The following DENND2A variants were observed in gnomAD, a reference collection of about 807,000 sequenced individuals.
DENND2A encodes the protein DENN domain containing 2A.
DENND2A carries 53 observed loss-of-function variants against 105.3 expected under a neutral mutation model. The observed-to-expected ratio is 0.50, with a 90% confidence interval of 0.40 to 0.63. The LOEUF is 0.63. Among genes scored for constraint, DENND2A ranks in the 30% least tolerant of loss-of-function variants. The pLI is 0.00. For missense variants in DENND2A, 1,138 were observed against 1,279.6 expected, an observed-to-expected ratio of 0.89 and a Z score of 1.69; for synonymous variants, 522 against 508.4, an observed-to-expected ratio of 1.03 and a Z score of -0.36.
chr7:140,601,650 C>A lies in DENND2A; in HGVS notation c.748G>T (p.Val250Leu). 1.9e-6 allele frequency: 3 copies of A among 1,612,964 alleles called. No homozygotes were observed. The highest frequency in any genetic ancestry group is 2.5e-6 in the Non-Finnish European group (3 of 1,179,210). The change falls in exon 3 of 20, where the codon GTG becomes TTG. Residue 250 changes from valine (V) to leucine (L), a missense_variant. Physicochemically the swap from Val to Leu is conservative, Grantham distance 32. This residue lies in a region of DENND2A where 511 missense variants were observed against 499.9 expected (regional missense o/e 1.02). Coordinates refer to ENST00000496613, the MANE Select transcript of DENND2A (RefSeq NM_015689.5). ...RRPWDRSLEN[V>L]YRGSEGSPTK... is the part of the protein sequence containing the mutation. ...GGGGAACCCTCCGAGCCCCTATACA[C>A]GTTCTCAAGGCTCCGGTCCCAGGGC...
chr7:140,614,923 T>A (rs1196637732), intron 1 of DENND2A, among the ~76,000 whole-genome samples: 4 of 152,152 alleles, frequency 2.6e-5, no homozygotes, highest in Non-Finnish European at 5.9e-5. Context: ...AGTGGTGCAG[T>A]CACAGGTCCC....
At position 140,601,396 on chromosome 7, in the gene DENND2A, C is replaced by CACCT; in HGVS notation, c.995+3_995+6dup. ...GCGACACTCTGCCTGGCCACACCGG[C>CACCT]ACCTACCTGTGGTCTGCACTGGATT... On this transcript the variant is annotated splice_region_variant and intron_variant, in intron 3 of 19. Coordinates refer to ENST00000496613, the MANE Select transcript of DENND2A (RefSeq NM_015689.5). 6.4e-7 allele frequency: 1 copy of CACCT among 1,572,092 alleles called. No homozygotes were observed. The highest frequency in any genetic ancestry group is 8.6e-7 in the Non-Finnish European group (1 of 1,158,668).
At chr7:140,585,779 G>T (rs1798757438) in intron 4 of DENND2A, 69 bp from the exon 5 acceptor site, 2 of 1,606,698 alleles carry the variant, frequency 1.2e-6, no homozygotes, top group South Asian at 1.1e-5. Flanking sequence ...AAACACTGAG[G>T]TCAGTATCTT....
At chr7:140,519,186 C>CT (rs1795765611) in intron 19 of DENND2A, among the ~76,000 whole-genome samples, 1 of 152,216 alleles carries the variant, frequency 6.6e-6, no homozygotes. Context: ...CCTCCGTCCT[C>CT]TTTTTTGGCT....
chr7:140,519,425 A>C (rs1224980941), intron 19 of DENND2A, among the ~76,000 whole-genome samples: 1 of 152,148 alleles, frequency 6.6e-6, no homozygotes, highest in Non-Finnish European at 1.5e-5. Context: ...GACCCAGAAA[A>C]GGAGGTGCTG....
chr7:140,558,194 G>A lies in DENND2A; in HGVS notation c.1908C>T (p.Val636=), dbSNP rs1292042943. The change falls in exon 11 of 20, where the codon GTC becomes GTT. Residue 636 remains valine (V), a synonymous_variant. Transcript: ENST00000496613. The part of the protein sequence containing the change: ...QQFTSETFSF[V]LTGEDGSRRF... ...TTCTGCTCCCATCTTCTCCAGTTAA[G>A]ACAAATGAGAATGTTTCACTGTGGT... is the stretch of plus-strand genomic sequence containing the variant. 2.5e-6 allele frequency: 4 copies of A among 1,613,336 alleles called. No individual in the cohort carries two copies. In the African/African-American group the frequency reaches 5.3e-5, roughly 22 times the overall value.
At chr7:140,623,590 T>C (rs1036089877) in intron 1 of DENND2A, among the ~76,000 whole-genome samples, 1 of 151,512 alleles carries the variant, frequency 6.6e-6, no homozygotes, top group African/African-American at 2.4e-5. Flanking sequence ...TAGCCAGGCA[T>C]GGTGGCGGGC....
At chr7:140,576,304 T>C (rs574639215) in intron 5 of DENND2A, among the ~76,000 whole-genome samples, 4 of 152,326 alleles carry the variant, frequency 2.6e-5, no homozygotes, top group Admixed American at 2.0e-4. Flanking sequence ...TTGTAATTCA[T>C]TTAATCTCTT....
At position 140,631,513 on chromosome 7, in the gene DENND2A, A is replaced by G. The variant is rs142610702; in HGVS notation, c.-248+8991T>C. 8.7e-3 allele frequency among the ~76,000 whole-genome samples: 1,319 copies of G among 152,120 alleles called. 10 individuals carry two copies. Among genetic ancestry groups the G allele is most frequent in the Non-Finnish European group, 0.011 (760 of 67,978 alleles). ...GGCTCTCTGTGGTGCTGGAATCTTC[A>G]AGTCTGATTGTTTTGAGAGGGATTA... On this transcript the variant is annotated intron_variant, in intron 1 of 19. Transcript: ENST00000496613.
rs150562510 is a variant in DENND2A at position 140,534,600 on chromosome 7, G to A, written c.2328-7105C>T. Among the ~76,000 whole-genome samples the A allele has an allele frequency of 6.8e-4, 104 of 152,336 alleles. 2 individuals are homozygous for A. The East Asian group carries it at 0.019, about 29-fold the overall frequency. On this transcript the variant is annotated intron_variant, in intron 14 of 19. Coordinates refer to ENST00000496613, the MANE Select transcript of DENND2A (RefSeq NM_015689.5). ...GGCCCGAGGAGCCCTCAAGGAGGGG[G>A]ATGGGAGGTGGGCACTCCTGGGACT...
intron 1 of DENND2A, among the ~76,000 whole-genome samples, chr7:140,615,218 A>G (rs2130710348): frequency 6.6e-6 from 1 of 152,326 alleles, no homozygotes; most frequent in Admixed American, 6.5e-5. Context: ...CCTATACATA[A>G]CTTTATTTAT....
At chr7:140,613,539 CAAA>C (rs769852380) in intron 1 of DENND2A, among the ~76,000 whole-genome samples, 5 of 94,266 alleles carry the variant, frequency 5.3e-5, no homozygotes, top group African/African-American at 7.0e-5. Context: ...GACTCTGTCT[CAAA>C]AAAAAAAAAA....
At chr7:140,547,737 A>G (rs1278043753) in intron 12 of DENND2A, among the ~76,000 whole-genome samples, 1 of 152,230 alleles carries the variant, frequency 6.6e-6, no homozygotes, top group Non-Finnish European at 1.5e-5. Context: ...AGAAACTTAA[A>G]TGTCCATTAA....
At chr7:140,604,334 G>A (rs890451812) in intron 2 of DENND2A, among the ~76,000 whole-genome samples, 1 of 152,232 alleles carries the variant, frequency 6.6e-6, no homozygotes, top group African/African-American at 2.4e-5. Flanking sequence ...ATAGAAACTT[G>A]CGAAAACGCA....
intron 1 of DENND2A, among the ~76,000 whole-genome samples, chr7:140,624,354 C>T (rs1408260253): frequency 8.3e-6 from 1 of 119,900 alleles, no homozygotes; most frequent in Non-Finnish European, 1.8e-5. Flanking sequence ...AAAGGCAAAA[C>T]AACAACAACA....
chr7:140,597,375 A>T (rs1214720199), intron 3 of DENND2A, among the ~76,000 whole-genome samples: 1 of 152,184 alleles, frequency 6.6e-6, no homozygotes, highest in Non-Finnish European at 1.5e-5. Flanking sequence ...GCGTCTGCCA[A>T]ATTCGTGGTA....
At chr7:140,553,925 CTCTT>C (rs1172851012) in intron 12 of DENND2A, among the ~76,000 whole-genome samples, 1 of 152,178 alleles carries the variant, frequency 6.6e-6, no homozygotes, top group Non-Finnish European at 1.5e-5. Context: ...AGTCTGATCT[CTCTT>C]TCTTTTCCCC....
At chr7:140,566,711 G>A (rs1223358481) in intron 9 of DENND2A, among the ~76,000 whole-genome samples, 2 of 108,486 alleles carry the variant, frequency 1.8e-5, no homozygotes, top group Non-Finnish European at 3.7e-5. Context: ...TTTTGAGACG[G>A]AGTTTTGCTC....
At chr7:140,519,444 G>A (rs1035801423) in intron 19 of DENND2A, among the ~76,000 whole-genome samples, 188 bp downstream of exon 19, 1 of 152,158 alleles carries the variant, frequency 6.6e-6, no homozygotes, top group Non-Finnish European at 1.5e-5. Context: ...TGGGGGCAGC[G>A]TTTCCTTTGT....
Sources: gnomAD v4.1 joint callset for allele counts (sites outside exome capture counted in the v4.1 genomes callset) on GRCh38, gnomAD v4.1.1 for gene constraint, gnomAD v4.1.1 regional missense constraint, MANE v1.5 for transcripts, NCBI Gene and HGNC (gene_info 2026-07-23, HGNC 2026-07-21) for gene names.